KIF7: variants seen among roughly 807,000 people sequenced by gnomAD.
KIF7 encodes the protein kinesin-like protein KIF7.
In KIF7, 104 loss-of-function variants were observed where a neutral mutation model predicts 135.7. That is an observed-to-expected ratio of 0.77 (90% CI 0.65 to 0.90). KIF7 has a LOEUF of 0.90. Among genes scored for constraint, KIF7 ranks in the 40% least tolerant of loss-of-function variants. The pLI is 0.00. For synonymous variants in KIF7, 883 were observed against 809.4 expected (o/e 1.09, Z -1.54); for missense variants, 2,005 against 1,839.1 (o/e 1.09, Z -1.65).
intron 1 of KIF7, among the ~76,000 whole-genome samples, chr15:89,621,975 A>G (rs1596058689): frequency 7.4e-6 from 1 of 134,798 alleles, no homozygotes; most frequent in South Asian, 2.3e-4. Flanking sequence ...TTATTTACAA[A>G]CTGACTCTTT....
Position 89,649,165 on chromosome 15 carries a change from G to C in KIF7, c.732C>G (p.Leu244=), listed in dbSNP as rs549780424. The C allele has an allele frequency of 7.8e-6, 12 of 1,548,194 alleles. No individual in the cohort carries two copies. Among genetic ancestry groups the C allele is most frequent in the African/African-American group, 2.7e-5 (2 of 73,160 alleles). Residue 244 remains leucine (L), a synonymous_variant, in exon 4 of 19, where the codon CTC becomes CTG. Transcript: ENST00000394412. ...RLPRPAPGQL[L]VSKFHFVDLA... is the part of the protein sequence containing the mutation. Reference sequence around the variant, plus strand: ...GGTCCACGAAGTGGAACTTGGAGACGAGCAGCTGGCCCGGGGCGGGGCGGG... The same window carrying C: ...GGTCCACGAAGTGGAACTTGGAGACCAGCAGCTGGCCCGGGGCGGGGCGGG...
rs1963714615 is a variant in KIF7 at position 89,632,984 on chromosome 15, G to C, written c.2731C>G (p.Gln911Glu). 1 of 1,170,342 alleles carries C rather than the reference G, an allele frequency of 8.5e-7. No homozygotes were observed. Among genetic ancestry groups the C allele is most frequent in the African/African-American group, 1.8e-5 (1 of 55,064 alleles). The allele number at this position is 1,170,342 out of a possible 1,614,324, so 72.5% of individuals were successfully genotyped here. Reference sequence around the variant, plus strand: ...ATCTCCTGGTCCAGCCACTTCTTCTGCTCCTCAATCTTCTAAGGAAAAGTA... The same window carrying C: ...ATCTCCTGGTCCAGCCACTTCTTCTCCTCCTCAATCTTCTAAGGAAAAGTA... ...SLEQQQKIEE[Q>E]KKWLDQEMEK... The change falls in exon 14 of 19, where the codon CAG (glutamine) becomes GAG (glutamate). Residue 911 changes from glutamine to glutamate, a missense_variant. By Grantham distance (29) the Gln-to-Glu change is conservative (BLOSUM62 2). Coordinates refer to ENST00000394412, the MANE Select transcript of KIF7 (RefSeq NM_198525.3).
intron 11 of KIF7, among the ~76,000 whole-genome samples, chr15:89,634,722 A>G (rs1481219039): frequency 2.0e-5 from 3 of 152,224 alleles, no homozygotes; most frequent in Non-Finnish European, 4.4e-5. Flanking sequence ...TCGGAGATCA[A>G]ACTGCAAGGT....
chr15:89,647,194 C>A, intron 6 of KIF7, 137 bp from the exon 7 acceptor site: 1 of 748,308 alleles, frequency 1.3e-6, no homozygotes, highest in South Asian at 1.6e-5. Flanking sequence ...CCTCTCCTCC[C>A]CAACAACTCT....
intron 11 of KIF7, among the ~76,000 whole-genome samples, chr15:89,640,824 TAAA>T (rs10716351): frequency 1.5e-4 from 20 of 134,564 alleles, no homozygotes; most frequent in East Asian, 2.2e-4. Flanking sequence ...TGTCTCTACT[TAAA>T]AAAAAAAAAA....
chr15:89,632,112 T>C (rs1302332048), intron 14 of KIF7, among the ~76,000 whole-genome samples: 1 of 152,132 alleles, frequency 6.6e-6, no homozygotes, highest in Admixed American at 6.5e-5. Flanking sequence ...CGGAGGGAAG[T>C]TACGGATCAT....
upstream of KIF7, among the ~76,000 whole-genome samples, chr15:89,655,645 T>G (rs1964198769): frequency 1.3e-5 from 2 of 152,156 alleles, no homozygotes; most frequent in South Asian, 4.1e-4. Context: ...ATCCTCATGA[T>G]GGCATCGCCT....
chr15:89,652,890 G>C lies in KIF7; in HGVS notation c.41C>G (p.Ala14Gly). ...EAQRLPGAEE[A>G]PVRVALRVRP... ...AACTCGCAGGGCAACCCGCACTGGG[G>C]CCTCCTCAGCCCCTGGCAGCCTCTG... The change falls in exon 2 of 19, where the codon GCC becomes GGC. Residue 14 changes from alanine to glycine, a missense_variant. Transcript: ENST00000394412. The C allele has an allele frequency of 6.5e-7, 1 of 1,536,556 alleles. No individual in the cohort carries two copies. Among genetic ancestry groups the C allele is most frequent in the Non-Finnish European group, 8.8e-7 (1 of 1,139,418 alleles).
intron 6 of KIF7, 137 bp downstream of exon 6, chr15:89,647,459 C>A: frequency 6.4e-6 from 5 of 779,506 alleles, no homozygotes; most frequent in African/African-American, 1.7e-5. Flanking sequence ...CACTTTCGCT[C>A]ATGTGCACCT....
At chr15:89,647,144 T>C in intron 6 of KIF7, 87 bp from the exon 7 acceptor site, 1 of 1,144,548 alleles carries the variant, frequency 8.7e-7, no homozygotes, top group South Asian at 1.3e-5. Flanking sequence ...CTGAGGCCAC[T>C]CCACCGTCTC....
chr15:89,645,636 TG>T (rs1963998398), intron 8 of KIF7, among the ~76,000 whole-genome samples, 185 bp from the exon 9 acceptor site: 1 of 152,100 alleles, frequency 6.6e-6, no homozygotes, highest in Non-Finnish European at 1.5e-5. Flanking sequence ...ACAGGGCAGC[TG>T]GGGGCATAGA....
downstream of KIF7, chr15:89,626,114 C>G: frequency 1.3e-6 from 2 of 1,593,332 alleles, no homozygotes; most frequent in Non-Finnish European, 1.7e-6. Context: ...TGTCTGAATT[C>G]ACCAGGGTTG....
chr15:89,618,202 A>G, intron 1 of KIF7: 1 of 1,614,164 alleles, frequency 6.2e-7, no homozygotes, highest in African/African-American at 1.3e-5. Flanking sequence ...TCCCCTGAAA[A>G]AGGAGATGGT....
chr15:89,647,670 C>G lies in KIF7; in HGVS notation c.1486G>C (p.Val496Leu), dbSNP rs758971206. Reference protein sequence around the residue: ...AQQLLTLQNQVARLEEENRDF... With the variant: ...AQQLLTLQNQLARLEEENRDF... The stretch of plus-strand genomic sequence containing the variant: ...CGGTTCTCCTCCTCCAGCCGCGCCA[C>G]CTGGTTCTGCAGGGTCAGCAGCTGC... The change falls in exon 6 of 19, where the codon GTG becomes CTG. Residue 496 changes from valine (V) to leucine (L), a missense_variant. By Grantham distance (32) the Val-to-Leu change is conservative (BLOSUM62 1). Transcript: ENST00000394412. 5 of 1,608,052 alleles carry G rather than the reference C, an allele frequency of 3.1e-6. No homozygotes were observed. The highest frequency in any genetic ancestry group is 4.2e-6 in the Non-Finnish European group (5 of 1,178,748).
intron 7 of KIF7, 74 bp downstream of exon 7, chr15:89,646,756 G>C: frequency 1.5e-6 from 2 of 1,355,992 alleles, no homozygotes; most frequent in Non-Finnish European, 2.1e-6. Context: ...ACGTGCCCCA[G>C]TGCCCCCTTC....
At chr15:89,650,064 G>C in intron 2 of KIF7, 123 bp from the exon 3 acceptor site, 1 of 1,014,446 alleles carries the variant, frequency 9.9e-7, no homozygotes, top group Non-Finnish European at 1.5e-6. Flanking sequence ...AGAAGGCAGT[G>C]GCCGAGGCCA....
At chr15:89,624,965 ACT>A (rs764454194), downstream of KIF7, 6 of 1,613,856 alleles carry the variant, frequency 3.7e-6, no homozygotes, top group Non-Finnish European at 5.1e-6. Context: ...CATTCCACAG[ACT>A]CTGCCAGCCC....
Position 89,645,319 on chromosome 15 carries a change from C to T in KIF7, c.2038+17G>A. Reference sequence around the variant, plus strand: ...GGCAGTGGGGAGGAGGCCCTCTCTGCATCCCACCCAGCTTACCTCTGGACC... The same window carrying T: ...GGCAGTGGGGAGGAGGCCCTCTCTGTATCCCACCCAGCTTACCTCTGGACC... On this transcript the variant is annotated intron_variant, in intron 9 of 18. Transcript: ENST00000394412. 6.2e-7 allele frequency: 1 copy of T among 1,611,536 alleles called. No individual in the cohort carries two copies. Among genetic ancestry groups the T allele is most frequent in the Non-Finnish European group, 8.5e-7 (1 of 1,177,720 alleles).
chr15:89,660,209 T>C (rs1964244603), upstream of KIF7, among the ~76,000 whole-genome samples: 1 of 152,092 alleles, frequency 6.6e-6, no homozygotes, highest in African/African-American at 2.4e-5. Flanking sequence ...AAAAAACATA[T>C]ATATGGAAAC....
Sources: allele counts gnomAD v4.1 joint callset (sites outside exome capture counted in the v4.1 genomes callset), GRCh38; gene constraint gnomAD v4.1.1; transcripts MANE v1.5; gene names NCBI Gene and HGNC (gene_info 2026-07-23, HGNC 2026-07-21).